DOCK11: variants seen among roughly 807,000 people sequenced by gnomAD.
The protein encoded by DOCK11 is dedicator of cytokinesis 11.
Under a neutral mutation model 169.1 loss-of-function variants are expected in DOCK11, and 70 were observed. The ratio of observed to expected loss-of-function variants is 0.41; its 90% CI spans 0.34 to 0.51. The LOEUF (loss-of-function observed/expected upper bound fraction) is 0.51. Among genes scored for constraint, DOCK11 ranks in the 20% least tolerant of loss-of-function variants. The pLI is 0.10. For synonymous variants in DOCK11, 529 were observed against 541.3 expected (o/e 0.98, Z 0.32); for missense variants, 1,166 against 1,538.8 (o/e 0.76, Z 4.05).
chrX:118,513,708 A>T (rs1177559214), intron 1 of DOCK11, among the ~76,000 whole-genome samples: 1 of 112,336 alleles, frequency 8.9e-6, no homozygotes, highest in Non-Finnish European at 1.9e-5. Flanking sequence ...TTTAATTGGG[A>T]AAGAGTGGCC....
At chrX:118,503,566 TA>T (rs1035778628) in intron 1 of DOCK11, among the ~76,000 whole-genome samples, 5 of 111,134 alleles carry the variant, frequency 4.5e-5, no homozygotes, top group Non-Finnish European at 9.4e-5. Context: ...AGTTTGTTGA[TA>T]GGGGAAGGGA....
chrX:118,540,051 CAAAAAAAAAAAAA>C (rs58922946), intron 1 of DOCK11, among the ~76,000 whole-genome samples: 1 of 42,296 alleles, frequency 2.4e-5, no homozygotes, highest in Non-Finnish European at 4.1e-5. Context: ...AACTCCATCT[CAAAAAAAAAAAAA>C]AAAAAAAAAA....
At chrX:118,651,913 C>G (rs753405140) in intron 41 of DOCK11, 51 bp from the exon 42 acceptor site, 1 of 883,839 alleles carries the variant, frequency 1.1e-6, no homozygotes, top group Admixed American at 2.5e-5. Flanking sequence ...TGAGCATAGA[C>G]AGCATTTGTT....
chrX:118,677,148 T>A (rs2016630658), intron 48 of DOCK11, among the ~76,000 whole-genome samples: 1 of 112,437 alleles, frequency 8.9e-6, no homozygotes, highest in Non-Finnish European at 1.9e-5. Context: ...AATGCTATTG[T>A]ACATCATGAT....
intron 1 of DOCK11, among the ~76,000 whole-genome samples, chrX:118,539,768 G>A (rs961116522): frequency 2.7e-5 from 3 of 110,561 alleles, no homozygotes; most frequent in African/African-American, 9.9e-5. Context: ...AGCTGAAGGA[G>A]GGCCAGGCAT....
At chrX:118,670,012 T>C (rs977677502) in intron 45 of DOCK11, among the ~76,000 whole-genome samples, 3 of 111,887 alleles carry the variant, frequency 2.7e-5, no homozygotes, top group African/African-American at 9.8e-5. Context: ...TCATCATAAA[T>C]GATCATATCT....
chrX:118,550,262 G>C (rs1447728378), intron 6 of DOCK11, among the ~76,000 whole-genome samples: 1 of 111,005 alleles, frequency 9.0e-6, no homozygotes, highest in Non-Finnish European at 1.9e-5. Flanking sequence ...AACATAGCGA[G>C]ACCCTGTCTC....
chrX:118,531,742 A>G (rs1348706816), intron 1 of DOCK11, among the ~76,000 whole-genome samples: 1 of 109,809 alleles, frequency 9.1e-6, no homozygotes, highest in Non-Finnish European at 1.9e-5. Context: ...TATTTTTAGT[A>G]GAGGTGGGGT....
At chrX:118,598,317 C>T (rs2014232170) in intron 22 of DOCK11, among the ~76,000 whole-genome samples, 1 of 109,322 alleles carries the variant, frequency 9.1e-6, no homozygotes, top group Non-Finnish European at 1.9e-5. Flanking sequence ...TGCTTGAGCT[C>T]AGGAGTTCAA....
chrX:118,664,199 G>A (rs1332448801), intron 45 of DOCK11, among the ~76,000 whole-genome samples: 1 of 111,232 alleles, frequency 9.0e-6, no homozygotes, highest in Non-Finnish European at 1.9e-5. Flanking sequence ...GCTGGCTGTG[G>A]GAGGGGAAGG....
At chrX:118,551,540 A>T (rs1285697065) in intron 6 of DOCK11, among the ~76,000 whole-genome samples, 1 of 111,197 alleles carries the variant, frequency 9.0e-6, no homozygotes, top group Admixed American at 9.6e-5. Flanking sequence ...TCTTCAAAAA[A>T]TAAAAAAATT....
intron 46 of DOCK11, among the ~76,000 whole-genome samples, chrX:118,672,866 C>T (rs1397024696): frequency 8.9e-6 from 1 of 112,537 alleles, no homozygotes; most frequent in Non-Finnish European, 1.9e-5. Context: ...TGATCAAATT[C>T]ACTTTTTCTT....
At chrX:118,513,026 G>A (rs1286034418) in intron 1 of DOCK11, among the ~76,000 whole-genome samples, 3 of 111,703 alleles carry the variant, frequency 2.7e-5, no homozygotes, top group Non-Finnish European at 5.6e-5. Flanking sequence ...TGCTCCTGGT[G>A]TTTGCCTCTG....
intron 10 of DOCK11, among the ~76,000 whole-genome samples, chrX:118,569,039 G>A (rs1017881157): frequency 1.1e-5 from 1 of 94,134 alleles, no homozygotes. Context: ...TGTTGTTGTC[G>A]TTTTTTCTTC....
chrX:118,616,821 G>A (rs891803806), intron 30 of DOCK11, among the ~76,000 whole-genome samples: 6 of 111,947 alleles, frequency 5.4e-5, no homozygotes, highest in Non-Finnish European at 1.1e-4. Context: ...GGTCTGTATA[G>A]AAGTATCTGC....
At chrX:118,578,253 A>C (rs2013513877) in intron 12 of DOCK11, among the ~76,000 whole-genome samples, 1 of 112,015 alleles carries the variant, frequency 8.9e-6, no homozygotes, top group African/African-American at 3.2e-5. Flanking sequence ...CTCACTTCGC[A>C]TACACAACCA....
At chrX:118,501,906 C>T (rs758013022) in intron 1 of DOCK11, among the ~76,000 whole-genome samples, 4 of 111,687 alleles carry the variant, frequency 3.6e-5, no homozygotes, top group African/African-American at 9.8e-5. Context: ...GGTACATCAC[C>T]GTTCTAATTT....
intron 29 of DOCK11, 35 bp from the exon 30 acceptor site, chrX:118,615,565 A>G (rs746300109): frequency 4.6e-6 from 5 of 1,082,775 alleles, no homozygotes; most frequent in Non-Finnish European, 6.4e-6. Flanking sequence ...AATGCCTACT[A>G]AATATGAGCT....
At chrX:118,678,990 C>A (rs2016677387) in intron 48 of DOCK11, among the ~76,000 whole-genome samples, 1 of 111,075 alleles carries the variant, frequency 9.0e-6, no homozygotes, top group African/African-American at 3.3e-5. Context: ...CGGGGTCTCA[C>A]TATGTTGCCC....
Sources: allele counts gnomAD v4.1 joint callset (sites outside exome capture counted in the v4.1 genomes callset), GRCh38; gene constraint gnomAD v4.1.1; transcripts MANE v1.5; gene names NCBI Gene and HGNC (gene_info 2026-07-23, HGNC 2026-07-21).